Variants in KDM4C observed in about 807,000 individuals in gnomAD.
KDM4C encodes the protein lysine demethylase 4C, also known as lysine-specific demethylase 4C.
Under a neutral mutation model 129.3 loss-of-function variants are expected in KDM4C, and 81 were observed. That is an observed-to-expected ratio of 0.63 (90% CI 0.52 to 0.75). The LOEUF is 0.75. Ranked by LOEUF, KDM4C falls within the 30% of genes least tolerant of loss-of-function variation. KDM4C has a pLI of 0.00. For missense variants in KDM4C, 1,457 were observed against 1,304.0 expected (o/e 1.12, Z -1.81); for synonymous variants, 573 against 456.1 (o/e 1.26, Z -3.26).
chr9:7,005,080 T>C lies in KDM4C; in HGVS notation c.1787-6618T>C, dbSNP rs183852678. ...CAACACCACTAGAAGGTAGTTGACATTGTGGGCTTCCTGAGTAGAAAGCAA... is the reference window on the plus strand; with the variant it reads ...CAACACCACTAGAAGGTAGTTGACACTGTGGGCTTCCTGAGTAGAAAGCAA... On this transcript the variant is annotated intron_variant, in intron 12 of 21. Transcript: ENST00000381309. Among the ~76,000 whole-genome samples the C allele has an allele frequency of 1.6e-4, 24 of 152,260 alleles. No individual in the cohort carries two copies. The East Asian group carries it at 4.4e-3, about 28-fold the overall frequency.
chr9:7,036,381 A>G (rs546687712), intron 15 of KDM4C, among the ~76,000 whole-genome samples: 5 of 152,174 alleles, frequency 3.3e-5, no homozygotes, highest in South Asian at 2.1e-4. Context: ...GACCCTGGAA[A>G]TACTATTATG....
At chr9:6,760,596 A>G (rs781189185) in intron 1 of KDM4C, among the ~76,000 whole-genome samples, 1 of 150,826 alleles carries the variant, frequency 6.6e-6, no homozygotes, top group Non-Finnish European at 1.5e-5. Flanking sequence ...TTTGAGACGA[A>G]GTCTCACTCT....
At chr9:7,117,463 T>G (rs1839030177) in intron 18 of KDM4C, among the ~76,000 whole-genome samples, 1 of 152,170 alleles carries the variant, frequency 6.6e-6, no homozygotes, top group Non-Finnish European at 1.5e-5. Flanking sequence ...CAGACGTCAT[T>G]TAAAGGAAAT....
At chr9:7,105,032 C>G (rs561217775) in intron 18 of KDM4C, among the ~76,000 whole-genome samples, 12 of 152,182 alleles carry the variant, frequency 7.9e-5, no homozygotes, top group Admixed American at 7.2e-4. Context: ...GTTTCAGGTT[C>G]CAAGTTGCAT....
At chr9:6,829,405 G>A (rs555731841) in intron 4 of KDM4C, among the ~76,000 whole-genome samples, 7 of 152,316 alleles carry the variant, frequency 4.6e-5, no homozygotes, top group Non-Finnish European at 8.8e-5. Flanking sequence ...AATTCAGTGA[G>A]AATTACTAAA....
chr9:7,025,849 C>T (rs1193891090), intron 15 of KDM4C, among the ~76,000 whole-genome samples: 1 of 152,114 alleles, frequency 6.6e-6, no homozygotes, highest in Non-Finnish European at 1.5e-5. Context: ...TTACTATTAC[C>T]AGTGAGTTTT....
At chr9:7,100,930 G>C (rs968190526) in intron 17 of KDM4C, among the ~76,000 whole-genome samples, 6 of 152,176 alleles carry the variant, frequency 3.9e-5, no homozygotes, top group African/African-American at 1.4e-4. Context: ...TGGTTTCTCT[G>C]TTCGTTTAGT....
At chr9:7,156,869 G>GT (rs1466619544) in intron 19 of KDM4C, among the ~76,000 whole-genome samples, 2 of 152,176 alleles carry the variant, frequency 1.3e-5, no homozygotes, top group Non-Finnish European at 2.9e-5. Flanking sequence ...CTTTAAAGTA[G>GT]TTTTTTCCAA....
intron 5 of KDM4C, among the ~76,000 whole-genome samples, chr9:6,862,474 C>T (rs145873707): frequency 0.012 from 1,762 of 152,202 alleles, 14 homozygotes; most frequent in South Asian, 0.035. Flanking sequence ...AGATTTCCAA[C>T]TGTAAAGAAG....
At position 7,169,840 on chromosome 9, in the gene KDM4C, G is replaced by T; in HGVS notation, c.2944G>T (p.Asp982Tyr). The change falls in exon 21 of 22, where the codon GAC (aspartate) becomes TAC (tyrosine). Residue 982 changes from aspartate to tyrosine, a missense_variant. By Grantham distance (160) the Asp-to-Tyr change is radical. Coordinates refer to ENST00000381309, the MANE Select transcript of KDM4C (RefSeq NM_015061.6). ...DGSQIAMKRE[D>Y]IYTLDEELPK... is the part of the protein sequence containing the mutation. ...ATCCCAGATAGCAATGAAGAGAGAG[G>T]ACATCTACACTTTAGATGAAGAGTT... is the stretch of plus-strand genomic sequence containing the variant. The T allele has an allele frequency of 6.2e-7, 1 of 1,612,260 alleles. No homozygotes were observed. The highest frequency in any genetic ancestry group is 8.5e-7 in the Non-Finnish European group (1 of 1,178,472).
intron 2 of KDM4C, among the ~76,000 whole-genome samples, chr9:6,802,344 A>G (rs916144477): frequency 6.6e-6 from 1 of 152,204 alleles, no homozygotes; most frequent in Non-Finnish European, 1.5e-5. Context: ...AACAGTTGGC[A>G]ATATCTATGA....
chr9:6,890,856 G>C (rs1369103079), intron 7 of KDM4C, among the ~76,000 whole-genome samples: 2 of 152,210 alleles, frequency 1.3e-5, no homozygotes, highest in African/African-American at 4.8e-5. Context: ...GGAAAGGAGA[G>C]AGTTGGGCTA....
intron 1 of KDM4C, among the ~76,000 whole-genome samples, chr9:6,764,816 G>C (rs1820289614): frequency 6.6e-6 from 1 of 152,148 alleles, no homozygotes; most frequent in African/African-American, 2.4e-5. Context: ...TCCAGTTCCA[G>C]GTATTAATTT....
At chr9:7,167,103 T>C (rs1844467236) in intron 20 of KDM4C, among the ~76,000 whole-genome samples, 2 of 152,232 alleles carry the variant, frequency 1.3e-5, no homozygotes, top group Admixed American at 6.5e-5. Flanking sequence ...ATAGATGTTA[T>C]TGACTCCTGT....
chr9:6,859,826 C>G (rs1231219035), intron 5 of KDM4C, among the ~76,000 whole-genome samples: 1 of 147,612 alleles, frequency 6.8e-6, no homozygotes, highest in Non-Finnish European at 1.5e-5. Context: ...GATCGTGCCA[C>G]TGCACTCCAG....
intron 12 of KDM4C, among the ~76,000 whole-genome samples, chr9:7,001,964 C>T (rs1276522287): frequency 1.3e-5 from 2 of 152,166 alleles, no homozygotes; most frequent in African/African-American, 2.4e-5. Context: ...ACAATCTTGG[C>T]TCACTGCAGC....
intron 12 of KDM4C, among the ~76,000 whole-genome samples, chr9:6,992,828 T>A (rs536059293): frequency 6.6e-6 from 1 of 152,306 alleles, no homozygotes; most frequent in African/African-American, 2.4e-5. Context: ...GAGAATTGCA[T>A]CTTTAAACAA....
At chr9:6,964,286 G>T (rs1002549075) in intron 8 of KDM4C, among the ~76,000 whole-genome samples, 3 of 148,680 alleles carry the variant, frequency 2.0e-5, no homozygotes, top group Admixed American at 1.4e-4. Context: ...TCCCCATCCT[G>T]TGTCCAAGCG....
chr9:7,090,934 C>G (rs912205), intron 17 of KDM4C, among the ~76,000 whole-genome samples: 82,179 of 152,028 alleles, frequency 0.54, 22,325 homozygotes, highest in Middle Eastern at 0.63. Context: ...ATGAATTGTA[C>G]ATCCTATTCA....
Sources: allele counts gnomAD v4.1 joint callset (sites outside exome capture counted in the v4.1 genomes callset), GRCh38; gene constraint gnomAD v4.1.1; transcripts MANE v1.5; gene names NCBI Gene and HGNC (gene_info 2026-07-23, HGNC 2026-07-21).